The following RTL9 variants were observed in gnomAD, a reference collection of about 807,000 sequenced individuals.
RTL9 encodes the protein retrotransposon Gag-like protein 9.
Under a neutral mutation model 44.7 loss-of-function variants are expected in RTL9, and 19 were observed. The observed-to-expected ratio is 0.42, with a 90% confidence interval of 0.30 to 0.62. RTL9 has a LOEUF of 0.62. Among genes scored for constraint, RTL9 ranks in the 20% least tolerant of loss-of-function variants. The probability of loss-of-function intolerance (pLI) is 0.16; values close to 1 mark genes in which losing one functional copy is unlikely to be tolerated. For synonymous variants in RTL9, 407 were observed against 398.9 expected, an observed-to-expected ratio of 1.02 and a Z score of -0.24; for missense variants, 1,105 against 1,080.6, an observed-to-expected ratio of 1.02 and a Z score of -0.32.
At chrX:110,440,252 A>T (rs1275562522) in intron 1 of RTL9, 1 of 111,837 alleles carries the variant, frequency 8.9e-6, no homozygotes, top group Non-Finnish European at 1.9e-5. Context: ...AGAGCAAGCA[A>T]ACCCGAAAAC....
intron 1 of RTL9, among the ~76,000 whole-genome samples, chrX:110,394,254 T>G (rs1338297967): frequency 1.8e-5 from 2 of 112,284 alleles, no homozygotes; most frequent in South Asian, 3.7e-4. Flanking sequence ...TTGTTTGTTT[T>G]TTTGTTTGTT....
intron 1 of RTL9, among the ~76,000 whole-genome samples, chrX:110,363,394 C>T (rs2068277060): frequency 9.0e-6 from 1 of 111,558 alleles, no homozygotes; most frequent in Admixed American, 9.5e-5. Flanking sequence ...AGAAATTGCC[C>T]ACTGTAGAAA....
At position 110,385,222 on chromosome X, in the gene RTL9, T is replaced by A. The variant is rs149753107; in HGVS notation, c.-168+26306T>A. Reference sequence around the variant, plus strand: ...AATAGAAACAATAAAAGTACTTACCTACCTCTTAGGGTTTTGTGAGGGTTA... The same window carrying A: ...AATAGAAACAATAAAAGTACTTACCAACCTCTTAGGGTTTTGTGAGGGTTA... On this transcript the variant is annotated intron_variant, in intron 1 of 2. Transcript: ENST00000520821. Among the ~76,000 whole-genome samples, 472 of 111,661 alleles carry A rather than the reference T, an allele frequency of 4.2e-3. 2 individuals are homozygous for A. Among genetic ancestry groups the A allele is most frequent in the African/African-American group, 0.014 (420 of 30,765 alleles).
chrX:110,409,613 C>T (rs1275142375), intron 1 of RTL9, among the ~76,000 whole-genome samples: 1 of 109,627 alleles, frequency 9.1e-6, no homozygotes, highest in Non-Finnish European at 1.9e-5. Context: ...CAGGCAGATC[C>T]AGCTCCCCCA....
At chrX:110,453,412 C>A in exon 1 of RTL9, 1 of 1,211,313 alleles carries the variant, frequency 8.3e-7, no homozygotes, top group Non-Finnish European at 1.1e-6. Context: ...AGAGCTTCAG[C>A]CTCTGGACAT....
At chrX:110,363,363 T>G (rs1224080614) in intron 1 of RTL9, among the ~76,000 whole-genome samples, 2 of 112,160 alleles carry the variant, frequency 1.8e-5, no homozygotes, top group East Asian at 5.6e-4. Flanking sequence ...CATGCCATTC[T>G]CAGGGGCTTA....
chrX:110,426,079 AT>A (rs1393302387), intron 1 of RTL9, among the ~76,000 whole-genome samples: 10 of 111,872 alleles, frequency 8.9e-5, no homozygotes, highest in African/African-American at 2.9e-4. Flanking sequence ...TTGTGGCTTG[AT>A]TTCTTCTGGA....
At chrX:110,455,891 G>T (rs966048138) in exon 2 of RTL9, 2 of 112,578 alleles carry the variant, frequency 1.8e-5, no homozygotes, top group African/African-American at 6.5e-5. Context: ...ATAGTATAAT[G>T]GCTACCAGTT....
chrX:110,387,516 C>T (rs1296530799), intron 1 of RTL9, among the ~76,000 whole-genome samples: 1 of 112,183 alleles, frequency 8.9e-6, no homozygotes, highest in Non-Finnish European at 1.9e-5. Context: ...TTGAGACTTC[C>T]TAGAATCATA....
upstream of RTL9, among the ~76,000 whole-genome samples, chrX:110,447,052 T>TTAA (rs1289351266): frequency 9.3e-6 from 1 of 107,468 alleles, no homozygotes; most frequent in Non-Finnish European, 1.9e-5. Context: ...GTTAGGTGTG[T>TTAA]TAATAATAAT....
At chrX:110,379,097 T>G (rs111255886) in intron 1 of RTL9, among the ~76,000 whole-genome samples, 3 of 112,120 alleles carry the variant, frequency 2.7e-5, no homozygotes, top group Admixed American at 9.4e-5. Flanking sequence ...TTTAAGAACA[T>G]GCTAGCTCTT....
At chrX:110,451,598 C>A (rs1236793543) in exon 1 of RTL9, 2 of 1,211,683 alleles carry the variant, frequency 1.7e-6, no homozygotes, top group Admixed American at 4.3e-5. Context: ...TACTGTCAGT[C>A]CCAGATGCTG....
At chrX:110,456,255 A>G (rs1432729758) in exon 2 of RTL9, 1 of 112,792 alleles carries the variant, frequency 8.9e-6, no homozygotes, top group African/African-American at 3.2e-5. Context: ...CTACTTCTCT[A>G]TACATTTCAG....
upstream of RTL9, chrX:110,450,529 A>T: frequency 1.3e-6 from 1 of 794,599 alleles, no homozygotes; most frequent in Non-Finnish European, 1.8e-6. Context: ...TCTTCTTGAT[A>T]CTGGCTTTTG....
chrX:110,426,993 A>T (rs1183575104), intron 1 of RTL9, among the ~76,000 whole-genome samples: 1 of 111,997 alleles, frequency 8.9e-6, no homozygotes, highest in African/African-American at 3.3e-5. Context: ...CAGGGCAAAA[A>T]CCCAAGAGTT....
intron 1 of RTL9, among the ~76,000 whole-genome samples, chrX:110,428,606 C>G (rs1049630430): frequency 8.1e-5 from 9 of 111,254 alleles, no homozygotes; most frequent in East Asian, 2.8e-4. Flanking sequence ...ACACTCCCCC[C>G]CTCTCCAAGA....
intron 1 of RTL9, among the ~76,000 whole-genome samples, chrX:110,442,652 T>A (rs184652678): frequency 8.9e-6 from 1 of 112,047 alleles, no homozygotes; most frequent in African/African-American, 3.2e-5. Context: ...GCAGGCTGGA[T>A]AAATGAGAAG....
chrX:110,455,123 C>T (rs937017079), intron 1 of RTL9, 79 bp from the exon 4 acceptor site: 8 of 1,166,155 alleles, frequency 6.9e-6, no homozygotes, highest in Non-Finnish European at 9.3e-6. Flanking sequence ...TCTGCTAAGT[C>T]ACAGAACTTA....
chrX:110,398,911 G>A (rs1240327178), intron 1 of RTL9, among the ~76,000 whole-genome samples: 1 of 112,253 alleles, frequency 8.9e-6, no homozygotes, highest in African/African-American at 3.2e-5. Flanking sequence ...TCCGTGCTGA[G>A]AATGATTCTA....
Sources: allele counts gnomAD v4.1 joint callset (sites outside exome capture counted in the v4.1 genomes callset), GRCh38; gene constraint gnomAD v4.1.1; transcripts MANE v1.5; gene names NCBI Gene and HGNC (gene_info 2026-07-23, HGNC 2026-07-21).